The following ANKRD17 variants were observed in gnomAD, a reference collection of about 807,000 sequenced individuals.
ANKRD17 encodes ankyrin repeat domain-containing protein 17.
In ANKRD17, 19 loss-of-function variants were observed where a neutral mutation model predicts 229.7. The ratio of observed to expected loss-of-function variants is 0.08; its 90% CI spans 0.06 to 0.12. The LOEUF (loss-of-function observed/expected upper bound fraction) is 0.12, where lower values mean the gene tolerates loss of function less well. ANKRD17 is among the 10% of genes least tolerant of loss of function. ANKRD17 has a pLI of 1.00. For missense variants in ANKRD17, 2,176 were observed against 3,176.8 expected (o/e 0.68, Z 7.57); for synonymous variants, 1,112 against 1,146.1 (o/e 0.97, Z 0.60).
chr4:73,157,239 G>A (rs1051092395), intron 3 of ANKRD17, among the ~76,000 whole-genome samples: 2 of 152,100 alleles, frequency 1.3e-5, no homozygotes, highest in Non-Finnish European at 2.9e-5. Context: ...CAAGTAAAGG[G>A]AAATCAGACG....
chr4:73,127,996 A>C (rs1361664875), intron 16 of ANKRD17, among the ~76,000 whole-genome samples: 2 of 152,232 alleles, frequency 1.3e-5, no homozygotes, highest in Non-Finnish European at 2.9e-5. Flanking sequence ...CAGAGAGCAG[A>C]GCTACTGACT....
chr4:73,120,375 G>A, intron 20 of ANKRD17, 38 bp from the exon 21 acceptor site: 2 of 1,577,786 alleles, frequency 1.3e-6, no homozygotes, highest in Non-Finnish European at 1.7e-6. Flanking sequence ...TGACACGTAA[G>A]AGACTGGAAA....
intron 21 of ANKRD17, 86 bp from the exon 22 acceptor site, chr4:73,118,936 G>A: frequency 7.2e-7 from 1 of 1,391,362 alleles, no homozygotes; most frequent in Non-Finnish European, 9.6e-7. Flanking sequence ...ACACAGGCTG[G>A]AGTGCAGTGG....
intron 16 of ANKRD17, among the ~76,000 whole-genome samples, chr4:73,130,899 T>C (rs1728111354): frequency 6.6e-6 from 1 of 152,192 alleles, no homozygotes; most frequent in Admixed American, 6.5e-5. Context: ...TTGTTCCACA[T>C]AAAGCCTGTG....
chr4:73,179,002 T>A (rs1040165673), intron 1 of ANKRD17, among the ~76,000 whole-genome samples: 6 of 152,104 alleles, frequency 3.9e-5, no homozygotes, highest in Admixed American at 3.9e-4. Context: ...ATCACGCTCA[T>A]GCCTAGTATC....
intron 29 of ANKRD17, among the ~76,000 whole-genome samples, chr4:73,090,317 G>A (rs1356876890): frequency 3.9e-5 from 6 of 152,168 alleles, no homozygotes; most frequent in African/African-American, 1.2e-4. Flanking sequence ...GGCTGAGGCA[G>A]GAGAATCACT....
chr4:73,102,752 G>T (rs943821522), intron 24 of ANKRD17: 1 of 516,122 alleles, frequency 1.9e-6, no homozygotes, highest in Non-Finnish European at 3.3e-6. Context: ...AACAATATAA[G>T]ACTAATTTTA....
intron 26 of ANKRD17, among the ~76,000 whole-genome samples, chr4:73,097,580 G>A (rs56382488): frequency 1.3e-5 from 2 of 151,598 alleles, no homozygotes; most frequent in Admixed American, 1.3e-4. Flanking sequence ...GACCACAGGT[G>A]CATGCCATCA....
chr4:73,189,771 A>C (rs1736800429), intron 1 of ANKRD17, among the ~76,000 whole-genome samples: 1 of 152,170 alleles, frequency 6.6e-6, no homozygotes, highest in South Asian at 2.1e-4. Flanking sequence ...CCACAGCCTG[A>C]AATTATCTTG....
intron 1 of ANKRD17, chr4:73,223,071 C>G (rs898926702): frequency 1.3e-6 from 2 of 1,533,446 alleles, no homozygotes; most frequent in African/African-American, 2.7e-5. Context: ...ATGATTAGAT[C>G]ATTGCCAGCA....
At chr4:73,100,720 G>T in intron 25 of ANKRD17, 1 of 493,620 alleles carries the variant, frequency 2.0e-6, no homozygotes, top group Non-Finnish European at 2.6e-6. Flanking sequence ...GTGCCAAAAT[G>T]TTTTAAAAAT....
intron 16 of ANKRD17, among the ~76,000 whole-genome samples, chr4:73,125,761 A>G (rs1345837800): frequency 6.6e-6 from 1 of 151,574 alleles, no homozygotes; most frequent in South Asian, 2.1e-4. Flanking sequence ...AAAAGAAAAG[A>G]AAAGCAAGGT....
chr4:73,233,418 C>T lies in ANKRD17; in HGVS notation c.393+24858G>A, dbSNP rs1392153419. Among the ~76,000 whole-genome samples the T allele has an allele frequency of 3.9e-5, 6 of 152,238 alleles. No individual in the cohort carries two copies. In the East Asian group the frequency reaches 1.2e-3, roughly 29 times the overall value. On this transcript the variant is annotated intron_variant, in intron 1 of 33. Coordinates refer to ENST00000358602, the MANE Select transcript of ANKRD17 (RefSeq NM_032217.5). ...CTAGGTTGATTCTAAAACAGAAAAT[C>T]AATAAAGTGTACTTACAATGTGATT...
At chr4:73,088,364 A>G (rs567574084) in intron 29 of ANKRD17, among the ~76,000 whole-genome samples, 29 of 152,298 alleles carry the variant, frequency 1.9e-4, no homozygotes, top group Admixed American at 1.9e-3. Flanking sequence ...ATTGACTTGT[A>G]AGTTAAACTT....
At position 73,078,826 on chromosome 4, in the gene ANKRD17, C is replaced by G. The variant is rs138383779; in HGVS notation, c.7224G>C (p.Pro2408=). ...CATTGCTGGGCTTTTCTGACCCTAA[C>G]GGTACTGATGATGGGGCAGGAGATG... is the stretch of plus-strand genomic sequence containing the variant. ...RAPSPAPSSV[P]LGSEKPSNVS... Residue 2408 remains proline (P), a synonymous_variant, in exon 31 of 34, where the codon CCG becomes CCC. Transcript: ENST00000358602. 1 of 1,614,132 alleles carries G rather than the reference C, an allele frequency of 6.2e-7. No homozygotes were observed. The highest frequency in any genetic ancestry group is 8.5e-7 in the Non-Finnish European group (1 of 1,180,006).
chr4:73,115,581 C>A (rs1331466353), intron 23 of ANKRD17, among the ~76,000 whole-genome samples: 1 of 152,092 alleles, frequency 6.6e-6, no homozygotes, highest in Non-Finnish European at 1.5e-5. Context: ...TGAGCCACTG[C>A]ACCTGGCCTC....
chr4:73,191,017 C>G (rs1217169766), intron 1 of ANKRD17, among the ~76,000 whole-genome samples: 1 of 152,004 alleles, frequency 6.6e-6, no homozygotes, highest in Non-Finnish European at 1.5e-5. Context: ...AATGCACTTC[C>G]AATCAAAATC....
intron 1 of ANKRD17, among the ~76,000 whole-genome samples, chr4:73,197,140 G>A (rs1473545814): frequency 6.6e-6 from 1 of 152,118 alleles, no homozygotes; most frequent in East Asian, 1.9e-4. Context: ...GTTAGATCTT[G>A]TGGGTGCACT....
chr4:73,213,424 G>C (rs921823149), intron 1 of ANKRD17, among the ~76,000 whole-genome samples: 1 of 152,164 alleles, frequency 6.6e-6, no homozygotes, highest in Admixed American at 6.5e-5. Context: ...CCAAAACTGA[G>C]AGAAAGAGGT....
Sources: gnomAD v4.1 joint callset for allele counts (sites outside exome capture counted in the v4.1 genomes callset) on GRCh38, gnomAD v4.1.1 for gene constraint, MANE v1.5 for transcripts, NCBI Gene and HGNC (gene_info 2026-07-23, HGNC 2026-07-21) for gene names.